Variants in CSNK1G1 observed in about 807,000 individuals in gnomAD.
CSNK1G1 encodes casein kinase 1 gamma 1.
Under a neutral mutation model 59.6 loss-of-function variants are expected in CSNK1G1, and 22 were observed. The ratio of observed to expected loss-of-function variants is 0.37; its 90% CI spans 0.26 to 0.53. The LOEUF (loss-of-function observed/expected upper bound fraction) is 0.53, where lower values mean the gene tolerates loss of function less well. Among genes scored for constraint, CSNK1G1 ranks in the 20% least tolerant of loss-of-function variants. The pLI is 0.89. For missense variants in CSNK1G1, 384 were observed against 519.5 expected, an observed-to-expected ratio of 0.74 and a Z score of 2.54; for synonymous variants, 179 against 177.1, an observed-to-expected ratio of 1.01 and a Z score of -0.08.
At chr15:64,223,415 A>T (rs2082416687) in intron 4 of CSNK1G1, among the ~76,000 whole-genome samples, 1 of 152,190 alleles carries the variant, frequency 6.6e-6, no homozygotes, top group South Asian at 2.1e-4. Flanking sequence ...TTCTATAAAT[A>T]ATTATGAGGG....
chr15:64,185,816 C>G (rs1048186024), intron 10 of CSNK1G1, among the ~76,000 whole-genome samples: 1 of 148,086 alleles, frequency 6.8e-6, no homozygotes, highest in Non-Finnish European at 1.5e-5. Context: ...AAGCCAAGAT[C>G]GCGCTACTGC....
intron 1 of CSNK1G1, among the ~76,000 whole-genome samples, chr15:64,343,271 G>A (rs1258438274): frequency 1.1e-5 from 1 of 91,128 alleles, no homozygotes; most frequent in African/African-American, 3.7e-5. Context: ...GCCTCTGTAG[G>A]CTTATTTCTC....
chr15:64,220,947 G>A (rs1326716393), intron 4 of CSNK1G1, among the ~76,000 whole-genome samples: 3 of 152,338 alleles, frequency 2.0e-5, no homozygotes, highest in East Asian at 1.9e-4. Context: ...TCTTGACGAT[G>A]TAAAGTAGTG....
In CSNK1G1 at chr15:64,251,700, A is replaced by G. The variant is rs28650337; in HGVS notation, c.223-119T>C. On this transcript the variant is annotated intron_variant, in intron 3 of 11. Transcript: ENST00000303052. ...AATGTTTTAGAGATAATATCCATAT[A>G]TAAGAGCCTTTTCTAACCACAATTG... The G allele has an allele frequency of 2.5e-4, 168 of 670,560 alleles. 1 individual carries two copies. In the African/African-American group the frequency reaches 2.6e-3, roughly 10 times the overall value. The allele number at this position is 670,560 out of a possible 1,614,324, so 41.5% of individuals were successfully genotyped here. A position where few individuals can be genotyped will look rare whatever the true frequency, so the allele number is the denominator to read the frequency against.
intron 2 of CSNK1G1, among the ~76,000 whole-genome samples, chr15:64,269,324 G>A (rs1381800665): frequency 3.3e-5 from 5 of 151,888 alleles, no homozygotes; most frequent in African/African-American, 1.2e-4. Flanking sequence ...GTTTTTGGTT[G>A]GTAGCCTATT....
intron 2 of CSNK1G1, among the ~76,000 whole-genome samples, chr15:64,262,342 A>T (rs1397069013): frequency 6.6e-6 from 1 of 152,236 alleles, no homozygotes; most frequent in Non-Finnish European, 1.5e-5. Context: ...TACGGAGGGT[A>T]GTGAATTTGG....
chr15:64,181,159 C>T, intron 10 of CSNK1G1: 2 of 1,491,506 alleles, frequency 1.3e-6, no homozygotes, highest in South Asian at 2.6e-5. Flanking sequence ...GGTAAAAAAA[C>T]ACTCTCCCTT....
At chr15:64,215,615 G>A (rs2082302532) in intron 5 of CSNK1G1, among the ~76,000 whole-genome samples, 1 of 152,236 alleles carries the variant, frequency 6.6e-6, no homozygotes, top group Non-Finnish European at 1.5e-5. Flanking sequence ...TTATAGGACA[G>A]TGGGAGAGAC....
intron 1 of CSNK1G1, among the ~76,000 whole-genome samples, chr15:64,308,438 A>G (rs1895806651): frequency 2.9e-5 from 1 of 34,606 alleles, no homozygotes; most frequent in Non-Finnish European, 1.3e-4. Flanking sequence ...GCTGTTCATT[A>G]TTAAAGGGAG....
At chr15:64,213,860 G>A (rs758872850) in intron 6 of CSNK1G1, 30 bp downstream of exon 6, 29 of 1,397,196 alleles carry the variant, frequency 2.1e-5, no homozygotes, top group South Asian at 1.7e-4. Context: ...CTAATGACTC[G>A]CCCCTTTCAT....
intron 4 of CSNK1G1, among the ~76,000 whole-genome samples, chr15:64,238,521 ATAT>A (rs1566914368): frequency 1.6e-3 from 190 of 117,430 alleles, no homozygotes; most frequent in African/African-American, 6.8e-3. Context: ...AAAAAAAAAT[ATAT>A]ATATATATAT....
chr15:64,255,119 C>A (rs1336610410), intron 3 of CSNK1G1, among the ~76,000 whole-genome samples: 1 of 152,140 alleles, frequency 6.6e-6, no homozygotes, highest in East Asian at 1.9e-4. Context: ...CTCTGTCACC[C>A]AGGCTGGAGT....
rs976618887 is a variant in CSNK1G1 at position 64,214,581 on chromosome 15, C to T, written c.445-457G>A. Among the ~76,000 whole-genome samples the T allele has an allele frequency of 2.0e-5, 3 of 152,266 alleles. No homozygotes were observed. Among genetic ancestry groups the T allele is most frequent in the South Asian group, 4.1e-4 (2 of 4,826 alleles). On this transcript the variant is annotated intron_variant, in intron 5 of 11. Coordinates refer to ENST00000303052, the MANE Select transcript of CSNK1G1 (RefSeq NM_022048.5). The surrounding 1 kb of genome is among the most constrained non-coding windows in gnomAD (Gnocchi z 4.3). Reference sequence around the variant, plus strand: ...GGACAAGACTACCCAACCCAGTTTTCGATGTTGTGAGGCCCAGAGAAGTTA... The same window carrying T: ...GGACAAGACTACCCAACCCAGTTTTTGATGTTGTGAGGCCCAGAGAAGTTA...
chr15:64,316,941 T>C (rs1430533971), intron 1 of CSNK1G1: 1 of 152,158 alleles, frequency 6.6e-6, no homozygotes, highest in Non-Finnish European at 1.5e-5. Context: ...AATTGCTCAC[T>C]TGGAGAGCTT....
intron 2 of CSNK1G1, among the ~76,000 whole-genome samples, chr15:64,278,360 ATATATGCATG>A (rs915539399): frequency 1.3e-5 from 2 of 149,634 alleles, no homozygotes; most frequent in African/African-American, 4.9e-5. Flanking sequence ...GGGTAAAAGT[ATATATGCATG>A]TATGTGCGTG....
intron 2 of CSNK1G1, among the ~76,000 whole-genome samples, chr15:64,271,749 G>A (rs1393669877): frequency 6.6e-6 from 1 of 152,190 alleles, no homozygotes; most frequent in Non-Finnish European, 1.5e-5. Flanking sequence ...GTTTTGAAGT[G>A]CAGAGCTCTG....
chr15:64,205,125 C>T (rs1055858222), intron 7 of CSNK1G1, among the ~76,000 whole-genome samples, 176 bp from the exon 8 acceptor site: 1 of 152,050 alleles, frequency 6.6e-6, no homozygotes, highest in African/African-American at 2.4e-5. Context: ...TAGATATATA[C>T]AAACATCTGC....
intron 2 of CSNK1G1, among the ~76,000 whole-genome samples, chr15:64,297,250 C>T (rs537875145): frequency 5.3e-5 from 8 of 151,972 alleles, no homozygotes; most frequent in Non-Finnish European, 7.4e-5. Context: ...AGAGAAGAAA[C>T]GTGCTATTTT....
chr15:64,348,409 G>C (rs1435952682), intron 1 of CSNK1G1: 3 of 152,096 alleles, frequency 2.0e-5, no homozygotes, highest in East Asian at 3.8e-4. Flanking sequence ...CTGGGGGATG[G>C]AGGAGAGAAG....
Sources: gnomAD v4.1 joint callset for allele counts (sites outside exome capture counted in the v4.1 genomes callset) on GRCh38, gnomAD v4.1.1 for gene constraint, Gnocchi (gnomAD v3.1) non-coding constraint, MANE v1.5 for transcripts, NCBI Gene and HGNC (gene_info 2026-07-23, HGNC 2026-07-21) for gene names.